The following CACNG1 variants were observed in gnomAD, a reference collection of about 807,000 sequenced individuals.
The protein encoded by CACNG1 is voltage-dependent calcium channel gamma-1 subunit.
CACNG1 carries 21 observed loss-of-function variants against 22.0 expected under a neutral mutation model. That is an observed-to-expected ratio of 0.95 (90% CI 0.68 to 1.37). The LOEUF (loss-of-function observed/expected upper bound fraction) is 1.37, where lower values mean the gene tolerates loss of function less well. Among genes scored for constraint, CACNG1 ranks in the 40% most tolerant of loss-of-function variants. CACNG1 has a pLI of 0.00. For missense variants in CACNG1, 291 were observed against 308.6 expected, an observed-to-expected ratio of 0.94 and a Z score of 0.43; for synonymous variants, 127 against 129.2, an observed-to-expected ratio of 0.98 and a Z score of 0.12.
intron 1 of CACNG1, among the ~76,000 whole-genome samples, chr17:67,045,917 T>C (rs1211542343): frequency 6.6e-6 from 1 of 152,202 alleles, no homozygotes; most frequent in African/African-American, 2.4e-5. Context: ...ACCCTGTAAT[T>C]TAAGCGTATT....
intron 1 of CACNG1, 113 bp downstream of exon 1, chr17:67,045,002 C>A (rs1452876689): frequency 1.3e-6 from 1 of 798,136 alleles, no homozygotes; most frequent in Non-Finnish European, 2.0e-6. Flanking sequence ...AATAGGGCAG[C>A]CGCCCAGCCT....
chr17:67,052,568 C>T (rs1314520429), intron 1 of CACNG1, among the ~76,000 whole-genome samples: 1 of 152,160 alleles, frequency 6.6e-6, no homozygotes, highest in Non-Finnish European at 1.5e-5. Context: ...AATGAATTGG[C>T]AAACTAGACA....
Position 67,048,308 on chromosome 17 carries a change from CAAA to C in CACNG1, c.229+3434_229+3436del, listed in dbSNP as rs377751953. Among the ~76,000 whole-genome samples the C allele has an allele frequency of 4.8e-3, 534 of 110,416 alleles. 8 individuals are homozygous for C. Among genetic ancestry groups the C allele is most frequent in the African/African-American group, 0.015 (435 of 28,974 alleles). The allele number at this position is 110,416 out of a possible 152,430, so 72.4% of individuals were successfully genotyped here. A position where few individuals can be genotyped will look rare whatever the true frequency, so the allele number is the denominator to read the frequency against. Reference sequence around the variant, plus strand: ...CAATATAGCAAGACCCTGTCCCTACCAAAAAAAAAAAAAAAAACAAAAAAAAAA... The same window carrying C: ...CAATATAGCAAGACCCTGTCCCTACCAAAAAAAAAAAAAACAAAAAAAAAA... On this transcript the variant is annotated intron_variant, in intron 1 of 3. Transcript: ENST00000226021.
chr17:67,056,290 G>T lies in CACNG1; in HGVS notation c.*19G>T, dbSNP rs201720862. 6.2e-7 allele frequency: 1 copy of T among 1,608,564 alleles called. No homozygotes were observed. The highest frequency in any genetic ancestry group is 2.2e-5 in the East Asian group (1 of 44,816). On this transcript the variant is annotated 3_prime_UTR_variant, in exon 4 of 4. Coordinates refer to ENST00000226021, the MANE Select transcript of CACNG1 (RefSeq NM_000727.4). This position sits in a 1 kb window ranked among gnomAD's most constrained non-coding sequence, Gnocchi z 4.3. ...GCACTAACCCTCCTGCGGCCCTAGC[G>T]ACCCTCAGGCTTCTTCCCCAGGAAG...
chr17:67,051,654 C>T (rs1598140035), intron 1 of CACNG1, among the ~76,000 whole-genome samples: 1 of 152,210 alleles, frequency 6.6e-6, no homozygotes, highest in Non-Finnish European at 1.5e-5. Context: ...AACACTGTAC[C>T]TGGACCACCA....
intron 1 of CACNG1, among the ~76,000 whole-genome samples, chr17:67,051,232 C>A (rs2035726338): frequency 6.6e-6 from 1 of 152,102 alleles, no homozygotes. Context: ...GACCCAGGAA[C>A]AGGGCAGGGA....
intron 1 of CACNG1, among the ~76,000 whole-genome samples, chr17:67,046,701 G>C (rs1376297169): frequency 1.3e-5 from 2 of 152,112 alleles, no homozygotes; most frequent in Non-Finnish European, 2.9e-5. Context: ...GCTTCTTCAG[G>C]GACCACACAT....
Position 67,055,287 on chromosome 17 carries a change from G to C in CACNG1, c.442+47G>C. ...AGCGCCGGGGCCGGGGGACCATGTC[G>C]CGGGGGATTCTCCGCTCCACCCTCA... On this transcript the variant is annotated intron_variant, in intron 3 of 3. Coordinates refer to ENST00000226021, the MANE Select transcript of CACNG1 (RefSeq NM_000727.4). The surrounding 1 kb of genome is among the most constrained non-coding windows in gnomAD (Gnocchi z 4.5). The C allele has an allele frequency of 1.3e-6, 2 of 1,585,292 alleles. No individual in the cohort carries two copies. The highest frequency in any genetic ancestry group is 1.8e-4 in the Middle Eastern group (1 of 5,658).
rs112984376 is a variant in CACNG1 at position 67,055,268 on chromosome 17, G to A, written c.442+28G>A. 4.1e-3 allele frequency: 6,491 copies of A among 1,599,054 alleles called. 143 individuals carry two copies. In the African/African-American group the frequency reaches 0.06, roughly 15 times the overall value. ...AGACTGGGGGATCTGCCTGAGCGCC[G>A]GGGCCGGGGGACCATGTCGCGGGGG... On this transcript the variant is annotated intron_variant, in intron 3 of 3. Transcript: ENST00000226021. The surrounding 1 kb of genome is among the most constrained non-coding windows in gnomAD (Gnocchi z 4.5).
Position 67,055,265 on chromosome 17 carries a change from G to A in CACNG1, c.442+25G>A, listed in dbSNP as rs776803189. On this transcript the variant is annotated intron_variant, in intron 3 of 3. Transcript: ENST00000226021. This position sits in a 1 kb window ranked among gnomAD's most constrained non-coding sequence, Gnocchi z 4.5. ...GGTAGACTGGGGGATCTGCCTGAGC[G>A]CCGGGGCCGGGGGACCATGTCGCGG... is the stretch of plus-strand genomic sequence containing the variant. The A allele has an allele frequency of 1.8e-5, 29 of 1,601,582 alleles. No individual in the cohort carries two copies. The highest frequency in any genetic ancestry group is 5.4e-5 in the African/African-American group (4 of 74,726).
intron 1 of CACNG1, among the ~76,000 whole-genome samples, chr17:67,053,292 G>T (rs2035738775): frequency 6.6e-6 from 1 of 152,172 alleles, no homozygotes; most frequent in South Asian, 2.1e-4. Flanking sequence ...CATTTTAAGG[G>T]GCCTGGAGCA....
At chr17:67,046,264 G>A (rs572070104) in intron 1 of CACNG1, among the ~76,000 whole-genome samples, 34 of 152,330 alleles carry the variant, frequency 2.2e-4, no homozygotes, top group African/African-American at 7.9e-4. Context: ...GCAGAGTGAT[G>A]TCAGTGTGAT....
intron 1 of CACNG1, among the ~76,000 whole-genome samples, chr17:67,046,805 C>T (rs553987875): frequency 4.6e-5 from 7 of 152,210 alleles, no homozygotes; most frequent in African/African-American, 1.7e-4. Context: ...AGAATCCACA[C>T]AAGGAAGAGA....
intron 1 of CACNG1, among the ~76,000 whole-genome samples, chr17:67,047,608 C>T (rs1220142933): frequency 6.6e-6 from 1 of 152,202 alleles, no homozygotes; most frequent in Non-Finnish European, 1.5e-5. Flanking sequence ...TTTGACCTGA[C>T]TCTGAGCTCA....
intron 1 of CACNG1, among the ~76,000 whole-genome samples, chr17:67,048,318 A>C (rs565510473): frequency 2.5e-3 from 213 of 84,600 alleles, no homozygotes; most frequent in Admixed American, 4.5e-3. Flanking sequence ...CAAAAAAAAA[A>C]AAAAAAACAA....
chr17:67,049,465 A>G (rs2035715617), intron 1 of CACNG1, among the ~76,000 whole-genome samples: 1 of 152,180 alleles, frequency 6.6e-6, no homozygotes, highest in African/African-American at 2.4e-5. Context: ...CTACTTTACA[A>G]CAACCCAGTG....
chr17:67,055,092 T>C lies in CACNG1; in HGVS notation c.305-11T>C, dbSNP rs763270909. The C allele has an allele frequency of 2.5e-6, 4 of 1,611,026 alleles. No homozygotes were observed. Among genetic ancestry groups the C allele is most frequent in the South Asian group, 2.2e-5 (2 of 90,856 alleles). ...CTGAGGCCGCATGCTGGGTGTCCCT[T>C]GTGTTTGCAGAGTACAGCATCTCGG... On this transcript the variant is annotated splice_polypyrimidine_tract_variant and intron_variant, in intron 2 of 3. Coordinates refer to ENST00000226021, the MANE Select transcript of CACNG1 (RefSeq NM_000727.4). This position sits in a 1 kb window ranked among gnomAD's most constrained non-coding sequence, Gnocchi z 4.5.
intron 1 of CACNG1, among the ~76,000 whole-genome samples, chr17:67,052,209 C>T (rs994128727): frequency 1.3e-5 from 2 of 152,194 alleles, no homozygotes; most frequent in East Asian, 1.9e-4. Context: ...GACATCACCA[C>T]CAGCAGTCAG....
rs143842742 is a variant in CACNG1, at chr17:67,055,161, C to T, written c.363C>T (p.Gly121=). ...TCAGCCTTGGCTTCATCATCCTGGG[C>T]AGCCTCTGTGTCCTCCTGTCCCTCG... is the stretch of plus-strand genomic sequence containing the variant. ...AIFSLGFIIL[G]SLCVLLSLGK... The change falls in exon 3 of 4, where the codon GGC becomes GGT. Residue 121 remains glycine, a synonymous_variant. Coordinates refer to ENST00000226021, the MANE Select transcript of CACNG1 (RefSeq NM_000727.4). This position sits in a 1 kb window ranked among gnomAD's most constrained non-coding sequence, Gnocchi z 4.5. 6.2e-7 allele frequency: 1 copy of T among 1,614,218 alleles called. No individual in the cohort carries two copies. Among genetic ancestry groups the T allele is most frequent in the Admixed American group, 1.7e-5 (1 of 60,032 alleles).
Sources: gnomAD v4.1 joint callset for allele counts (sites outside exome capture counted in the v4.1 genomes callset) on GRCh38, gnomAD v4.1.1 for gene constraint, Gnocchi (gnomAD v3.1) non-coding constraint, MANE v1.5 for transcripts, NCBI Gene and HGNC (gene_info 2026-07-23, HGNC 2026-07-21) for gene names.